Variants in RTN1 observed in about 807,000 individuals in gnomAD.
The protein encoded by RTN1 is reticulon-1.
RTN1 carries 25 observed loss-of-function variants against 65.5 expected under a neutral mutation model. The observed-to-expected ratio is 0.38, with a 90% CI of 0.28 to 0.53. RTN1 has a LOEUF of 0.53. Ranked by LOEUF, RTN1 falls within the 20% of genes least tolerant of loss-of-function variation. The pLI is 0.79. For missense variants in RTN1, 983 were observed against 1,025.4 expected (o/e 0.96, Z 0.57); for synonymous variants, 471 against 447.6 (o/e 1.05, Z -0.66).
rs545421772 is a variant in RTN1 at position 59,857,676 on chromosome 14, C to A, written c.241+12714G>T. 4.6e-5 allele frequency among the ~76,000 whole-genome samples: 7 copies of A among 152,292 alleles called. No homozygotes were observed. In the East Asian group the frequency reaches 7.7e-4, roughly 17 times the overall value. ...TGTTACTGGGTTGGCTTTCTTCCAG[C>A]AAAACTCGCAGGTTTTAGAATTATC... is the stretch of plus-strand genomic sequence containing the variant. On this transcript the variant is annotated intron_variant, in intron 1 of 8. Transcript: ENST00000267484.
chr14:59,607,548 C>T (rs570664928), intron 3 of RTN1, 56 bp from the exon 4 acceptor site: 379 of 1,429,742 alleles, frequency 2.7e-4, no homozygotes, highest in South Asian at 3.7e-4. Context: ...CCACATGAGC[C>T]GCTGTGGCTC....
intron 1 of RTN1, among the ~76,000 whole-genome samples, chr14:59,749,230 A>ATATATATATCTATATATATC (rs1885316360): frequency 2.1e-5 from 1 of 47,002 alleles, no homozygotes; most frequent in Non-Finnish European, 3.6e-5. Flanking sequence ...CTATATATCT[A>ATATATATATCTATATATATC]TATATATCTA....
intron 8 of RTN1, among the ~76,000 whole-genome samples, chr14:59,598,334 T>C (rs1005479995): frequency 6.6e-6 from 1 of 152,166 alleles, no homozygotes; most frequent in African/African-American, 2.4e-5. Context: ...CAGGTGAAAA[T>C]GCCATTTACC....
chr14:59,608,149 G>A (rs890332477), intron 3 of RTN1, among the ~76,000 whole-genome samples: 5 of 152,050 alleles, frequency 3.3e-5, no homozygotes, highest in African/African-American at 4.8e-5. Context: ...TTCCAGTCCC[G>A]GGATATAAAA....
At chr14:59,721,445 C>A (rs1291359370) in intron 3 of RTN1, among the ~76,000 whole-genome samples, 3 of 152,214 alleles carry the variant, frequency 2.0e-5, no homozygotes, top group Admixed American at 6.5e-5. Flanking sequence ...AAGGTCTGGG[C>A]TGCTTAGCTC....
intron 2 of RTN1, among the ~76,000 whole-genome samples, chr14:59,729,977 T>C (rs1884865361): frequency 6.6e-6 from 1 of 152,224 alleles, no homozygotes; most frequent in Admixed American, 6.5e-5. Flanking sequence ...AGAACGCTGT[T>C]CCTTCCTCTT....
At chr14:59,669,443 C>CG (rs202182902) in intron 3 of RTN1, among the ~76,000 whole-genome samples, 4,860 of 151,092 alleles carry the variant, frequency 0.032, 109 homozygotes, top group Non-Finnish European at 0.05. Flanking sequence ...CATCATACAC[C>CG]GGGGCCTGTC....
intron 1 of RTN1, among the ~76,000 whole-genome samples, chr14:59,750,220 T>G (rs1242639192): frequency 4.4e-5 from 2 of 45,196 alleles, no homozygotes; most frequent in East Asian, 1.5e-3. Flanking sequence ...ATATATATAT[T>G]ATATCTATAA....
intron 3 of RTN1, among the ~76,000 whole-genome samples, chr14:59,695,098 G>T (rs1016725311): frequency 3.3e-5 from 5 of 152,168 alleles, no homozygotes; most frequent in Non-Finnish European, 2.9e-5. Flanking sequence ...TCAGGGTGGA[G>T]AAAGGTTCCC....
At chr14:59,632,969 G>T (rs565532082) in intron 3 of RTN1, among the ~76,000 whole-genome samples, 2 of 152,070 alleles carry the variant, frequency 1.3e-5, no homozygotes, top group Non-Finnish European at 2.9e-5. Context: ...GGGCATGGTG[G>T]CATGCACCTG....
At chr14:59,750,153 A>C (rs1160264767) in intron 1 of RTN1, among the ~76,000 whole-genome samples, 1 of 60,600 alleles carries the variant, frequency 1.7e-5, no homozygotes, top group Non-Finnish European at 2.9e-5. Context: ...TATATATTAT[A>C]GATAATATAT....
intron 3 of RTN1, among the ~76,000 whole-genome samples, chr14:59,717,799 A>G (rs1325249629): frequency 6.6e-6 from 1 of 152,186 alleles, no homozygotes; most frequent in East Asian, 1.9e-4. Flanking sequence ...AGAAAATCCA[A>G]CTGGCCTTGG....
chr14:59,670,276 G>A (rs963688054), intron 3 of RTN1, among the ~76,000 whole-genome samples: 2 of 152,140 alleles, frequency 1.3e-5, no homozygotes, highest in African/African-American at 2.4e-5. Context: ...AACATTTATA[G>A]CCCAGCAGTA....
In RTN1 at chr14:59,816,217, G is replaced by A. The variant is rs552144095; in HGVS notation, c.241+54173C>T. ...TGCACACACACACACACAAGCTTGC[G>A]TGCGTGCACACACACAGACACACAC... On this transcript the variant is annotated intron_variant, in intron 1 of 8. Transcript: ENST00000267484. This position sits in a 1 kb window ranked among gnomAD's most constrained non-coding sequence, Gnocchi z 4.3. Among the ~76,000 whole-genome samples, 6 of 151,740 alleles carry A rather than the reference G, an allele frequency of 4.0e-5. No individual in the cohort carries two copies. In the South Asian group the frequency reaches 6.2e-4, roughly 16 times the overall value.
At chr14:59,718,948 T>C (rs1426738991) in intron 3 of RTN1, among the ~76,000 whole-genome samples, 5 of 152,262 alleles carry the variant, frequency 3.3e-5, no homozygotes, top group Middle Eastern at 6.8e-3. Flanking sequence ...CATCCATTCC[T>C]CTCATCTCCA....
intron 3 of RTN1, among the ~76,000 whole-genome samples, chr14:59,615,610 C>T (rs1882080476): frequency 6.6e-6 from 1 of 152,152 alleles, no homozygotes; most frequent in African/African-American, 2.4e-5. Context: ...AAATCTTACC[C>T]TATGGTCAAA....
chr14:59,655,272 G>T lies in RTN1; in HGVS notation c.1766-47780C>A, dbSNP rs563342655. On this transcript the variant is annotated intron_variant, in intron 3 of 8. Transcript: ENST00000267484. Reference sequence around the variant, plus strand: ...AAAAGATGAGCAAAAGTCATACCCTGACAACTACAAGATACTGTTGAAAGA... The same window carrying T: ...AAAAGATGAGCAAAAGTCATACCCTTACAACTACAAGATACTGTTGAAAGA... Among the ~76,000 whole-genome samples the T allele has an allele frequency of 2.0e-5, 3 of 152,104 alleles. No individual in the cohort carries two copies. The South Asian group carries it at 6.2e-4, about 32-fold the overall frequency.
chr14:59,630,719 G>A (rs1882529963), intron 3 of RTN1: 2 of 1,122,434 alleles, frequency 1.8e-6, no homozygotes, highest in South Asian at 4.4e-5. Context: ...CGGCCCCGGA[G>A]CCGCCTGCGC....
chr14:59,832,984 G>C (rs1887152207), intron 1 of RTN1, among the ~76,000 whole-genome samples: 1 of 152,178 alleles, frequency 6.6e-6, no homozygotes, highest in African/African-American at 2.4e-5. Flanking sequence ...CCAGCATGAA[G>C]ATTGTGCCTT....
Sources: gnomAD v4.1 joint callset for allele counts (sites outside exome capture counted in the v4.1 genomes callset) on GRCh38, gnomAD v4.1.1 for gene constraint, Gnocchi (gnomAD v3.1) non-coding constraint, MANE v1.5 for transcripts, NCBI Gene and HGNC (gene_info 2026-07-23, HGNC 2026-07-21) for gene names.